Variants in PTPRQ observed in about 807,000 individuals in gnomAD.
PTPRQ encodes protein tyrosine phosphatase receptor type Q.
In PTPRQ, 199 loss-of-function variants were observed where a neutral mutation model predicts 246.0. The ratio of observed to expected loss-of-function variants is 0.81; its 90% CI spans 0.72 to 0.91. The LOEUF (loss-of-function observed/expected upper bound fraction) is 0.91. Among genes scored for constraint, PTPRQ ranks in the 40% least tolerant of loss-of-function variants. PTPRQ has a pLI of 0.00. For synonymous variants in PTPRQ, 869 were observed against 853.2 expected (o/e 1.02, Z -0.32); for missense variants, 2,624 against 2,528.4 (o/e 1.04, Z -0.81).
chr12:80,623,462 T>C (rs1302005989), intron 33 of PTPRQ, among the ~76,000 whole-genome samples: 1 of 152,168 alleles, frequency 6.6e-6, no homozygotes, highest in African/African-American at 2.4e-5. Context: ...TGAAATTGTA[T>C]CAAGTGTTTC....
intron 25 of PTPRQ, among the ~76,000 whole-genome samples, chr12:80,580,613 T>C (rs1180713346): frequency 1.3e-5 from 2 of 152,214 alleles, no homozygotes; most frequent in Admixed American, 6.5e-5. Context: ...TGAATACTTC[T>C]GAGGTAGCCT....
At chr12:80,663,524 T>C (rs1900695637) in intron 39 of PTPRQ, among the ~76,000 whole-genome samples, 1 of 151,998 alleles carries the variant, frequency 6.6e-6, no homozygotes, top group Non-Finnish European at 1.5e-5. Flanking sequence ...CTATCAAGCA[T>C]AGGACACACC....
chr12:80,669,199 T>C, intron 40 of PTPRQ, 58 bp downstream of exon 40: 3 of 1,533,508 alleles, frequency 2.0e-6, no homozygotes, highest in Non-Finnish European at 2.6e-6. Flanking sequence ...AACATATGTG[T>C]GAATATTTCA....
In PTPRQ at chr12:80,617,854, A is replaced by T. The variant is rs145431264; in HGVS notation, c.5231-1530A>T. On this transcript the variant is annotated intron_variant, in intron 30 of 44. Coordinates refer to ENST00000644991, the MANE Select transcript of PTPRQ (RefSeq NM_001145026.2). Reference sequence around the variant, plus strand: ...GTTGGATAGTAATGTCCAATGCTGGATTCCTCTAACTGGAAATCTTTTCCT... The same window carrying T: ...GTTGGATAGTAATGTCCAATGCTGGTTTCCTCTAACTGGAAATCTTTTCCT... Among the ~76,000 whole-genome samples the T allele has an allele frequency of 5.9e-3, 901 of 151,484 alleles. 13 individuals are homozygous for T. The highest frequency in any genetic ancestry group is 0.02 in the African/African-American group (837 of 41,408).
chr12:80,574,752 T>C (rs1216366494), intron 25 of PTPRQ, among the ~76,000 whole-genome samples: 1 of 152,204 alleles, frequency 6.6e-6, no homozygotes, highest in Non-Finnish European at 1.5e-5. Flanking sequence ...TTTATAGATG[T>C]CAGGTTGTTA....
At chr12:80,467,127 C>T (rs1893450830) in intron 6 of PTPRQ, among the ~76,000 whole-genome samples, 1 of 152,146 alleles carries the variant, frequency 6.6e-6, no homozygotes, top group Non-Finnish European at 1.5e-5. Flanking sequence ...GGGCTAATAT[C>T]CAGAATCTAC....
At position 80,542,667 on chromosome 12, in the gene PTPRQ, C is replaced by T. The variant is rs1896188937; in HGVS notation, c.3722-63C>T. 11 of 1,482,842 alleles carry T rather than the reference C, an allele frequency of 7.4e-6. No homozygotes were observed. In the South Asian group the frequency reaches 1.5e-4, roughly 21 times the overall value. 91.9% of individuals were successfully genotyped at this position (1,482,842 alleles called of 1,614,324 possible). ...AACTAGTGTCTTCAAGAAAGTAAGT[C>T]ACGGTGCTATTTTTATGTTAAAAGT... On this transcript the variant is annotated intron_variant, in intron 22 of 44. Coordinates refer to ENST00000644991, the MANE Select transcript of PTPRQ (RefSeq NM_001145026.2).
At chr12:80,515,974 T>A (rs1315882238) in intron 17 of PTPRQ, among the ~76,000 whole-genome samples, 1 of 152,178 alleles carries the variant, frequency 6.6e-6, no homozygotes, top group South Asian at 2.1e-4. Flanking sequence ...TTCTGAAGTT[T>A]GCTTTGCAAA....
intron 25 of PTPRQ, among the ~76,000 whole-genome samples, chr12:80,562,368 C>T (rs1028631129): frequency 1.2e-4 from 18 of 152,038 alleles, no homozygotes; most frequent in Admixed American, 9.8e-4. Flanking sequence ...TATCTTTAAA[C>T]AATTGGGAGA....
chr12:80,577,590 T>G (rs1275169482), intron 25 of PTPRQ, among the ~76,000 whole-genome samples: 1 of 152,170 alleles, frequency 6.6e-6, no homozygotes, highest in Admixed American at 6.5e-5. Flanking sequence ...TAGCTTTCCT[T>G]GTAACGATCC....
chr12:80,445,801 C>G, intron 3 of PTPRQ, 84 bp downstream of exon 3: 1 of 896,282 alleles, frequency 1.1e-6, no homozygotes, highest in East Asian at 2.6e-5. Context: ...CCTTGTCAAG[C>G]CTTTACAGCT....
intron 35 of PTPRQ, among the ~76,000 whole-genome samples, chr12:80,635,984 CT>C: frequency 6.6e-6 from 1 of 152,156 alleles, no homozygotes; most frequent in Non-Finnish European, 1.5e-5. Flanking sequence ...TAAAGTTGGT[CT>C]TTATCTAATA....
At position 80,487,077 on chromosome 12, in the gene PTPRQ, A is replaced by T. The variant is rs901601249; in HGVS notation, c.1359+2472A>T. Reference sequence around the variant, plus strand: ...CATAACATTTTCTTTTGAAGACCTAACAGTTTCAATCACTGCTTCCTATTT... The same window carrying T: ...CATAACATTTTCTTTTGAAGACCTATCAGTTTCAATCACTGCTTCCTATTT... On this transcript the variant is annotated intron_variant, in intron 9 of 44. Transcript: ENST00000644991. Among the ~76,000 whole-genome samples the T allele has an allele frequency of 2.0e-4, 30 of 152,048 alleles. 1 individual carries two copies. Among genetic ancestry groups the T allele is most frequent in the Non-Finnish European group, 3.5e-4 (24 of 68,002 alleles).
At chr12:80,536,195 G>A (rs1183859159) in intron 19 of PTPRQ, among the ~76,000 whole-genome samples, 1 of 152,200 alleles carries the variant, frequency 6.6e-6, no homozygotes, top group Admixed American at 6.5e-5. Flanking sequence ...CCACATGTTT[G>A]TGTCTTAGGT....
At chr12:80,476,589 G>A (rs1305837954) in intron 8 of PTPRQ, among the ~76,000 whole-genome samples, 1 of 152,104 alleles carries the variant, frequency 6.6e-6, no homozygotes, top group East Asian at 1.9e-4. Flanking sequence ...GCCAACTTAA[G>A]CATAATTATA....
chr12:80,656,482 AAAAC>A (rs1345980633), intron 38 of PTPRQ, among the ~76,000 whole-genome samples: 7 of 152,106 alleles, frequency 4.6e-5, no homozygotes, highest in African/African-American at 1.7e-4. Flanking sequence ...TTCCTCCTTG[AAAAC>A]AAACAACCCA....
chr12:80,509,896 T>G (rs1027839515), intron 16 of PTPRQ, among the ~76,000 whole-genome samples: 3 of 152,110 alleles, frequency 2.0e-5, no homozygotes, highest in African/African-American at 7.2e-5. Context: ...TTTCTCAATG[T>G]TATGCTTATC....
intron 8 of PTPRQ, among the ~76,000 whole-genome samples, chr12:80,481,220 A>C (rs541895220): frequency 6.6e-6 from 1 of 152,244 alleles, no homozygotes; most frequent in African/African-American, 2.4e-5. Context: ...CTGGTTCAAT[A>C]TATTAAAATC....
intron 23 of PTPRQ, among the ~76,000 whole-genome samples, chr12:80,544,239 A>G (rs1214902968): frequency 6.6e-6 from 1 of 152,142 alleles, no homozygotes; most frequent in African/African-American, 2.4e-5. Context: ...TTGAGGATTA[A>G]AAAGGAAAGT....
Sources: gnomAD v4.1 joint callset for allele counts (sites outside exome capture counted in the v4.1 genomes callset) on GRCh38, gnomAD v4.1.1 for gene constraint, MANE v1.5 for transcripts, NCBI Gene and HGNC (gene_info 2026-07-23, HGNC 2026-07-21) for gene names.